CSMD3: variants seen among roughly 807,000 people sequenced by gnomAD.
The protein encoded by CSMD3 is CUB and Sushi multiple domains 3, also known as CUB and sushi domain-containing protein 3.
CSMD3 carries 177 observed loss-of-function variants against 435.2 expected under a neutral mutation model. The ratio of observed to expected loss-of-function variants is 0.41; its 90% CI spans 0.36 to 0.46. The LOEUF is 0.46. CSMD3 is among the 20% of genes least tolerant of loss of function. The pLI, the probability that CSMD3 is intolerant of heterozygous loss-of-function variation, is 0.34. For synonymous variants in CSMD3, 1,656 were observed against 1,520.5 expected, an observed-to-expected ratio of 1.09 and a Z score of -2.07; for missense variants, 4,265 against 4,504.6, an observed-to-expected ratio of 0.95 and a Z score of 1.52.
chr8:113,108,829 A>G (rs2090557125), intron 4 of CSMD3, among the ~76,000 whole-genome samples: 1 of 152,212 alleles, frequency 6.6e-6, no homozygotes, highest in Non-Finnish European at 1.5e-5. Context: ...AGAAAATACA[A>G]AAGACCTATG....
Position 112,349,070 on chromosome 8 carries a change from A to T in CSMD3, c.6325+2105T>A, listed in dbSNP as rs572949792. 1.4e-4 allele frequency among the ~76,000 whole-genome samples: 22 copies of T among 152,158 alleles called. No individual in the cohort carries two copies. The South Asian group carries it at 4.6e-3, about 32-fold the overall frequency. Reference sequence around the variant, plus strand: ...GACATAATTAATCTATTTAAGAAAAATTATAAACAAGCTATTAGAGCTGTT... The same window carrying T: ...GACATAATTAATCTATTTAAGAAAATTTATAAACAAGCTATTAGAGCTGTT... On this transcript the variant is annotated intron_variant, in intron 40 of 70. Coordinates refer to ENST00000297405, the MANE Select transcript of CSMD3 (RefSeq NM_198123.2).
rs1008262257 is a variant in CSMD3, at chr8:113,286,706, T to C, written c.402-8002A>G. Among the ~76,000 whole-genome samples the C allele has an allele frequency of 8.9e-5, 13 of 146,848 alleles. No individual in the cohort carries two copies. The Admixed American group carries it at 8.9e-4, about 10-fold the overall frequency. ...CACACATATACATTCTCTAAGAATG[T>C]AAAAAAAAAAGACTCTATTTATTTA... On this transcript the variant is annotated intron_variant, in intron 2 of 70. Transcript: ENST00000297405.
intron 13 of CSMD3, among the ~76,000 whole-genome samples, chr8:112,723,617 A>C (rs1178437673): frequency 1.3e-5 from 2 of 152,180 alleles, no homozygotes; most frequent in Non-Finnish European, 2.9e-5. Flanking sequence ...GTGTTTCAGA[A>C]GCAATAATTA....
chr8:113,427,724 A>T (rs1586180831), intron 1 of CSMD3, among the ~76,000 whole-genome samples: 2 of 151,758 alleles, frequency 1.3e-5, no homozygotes, highest in African/African-American at 4.8e-5. Context: ...AAAAATATGT[A>T]TTTGCCCCTA....
chr8:112,783,638 G>A (rs1050869389), intron 13 of CSMD3, among the ~76,000 whole-genome samples: 6 of 151,944 alleles, frequency 3.9e-5, no homozygotes, highest in Admixed American at 2.0e-4. Context: ...CCAATCAAGA[G>A]ACATAGAGTG....
At chr8:112,854,321 C>G (rs980390069) in intron 11 of CSMD3, among the ~76,000 whole-genome samples, 8 of 152,068 alleles carry the variant, frequency 5.3e-5, no homozygotes, top group Admixed American at 1.3e-4. Context: ...AGTTCTTGGA[C>G]AGTAAAAAAT....
intron 27 of CSMD3, among the ~76,000 whole-genome samples, chr8:112,534,833 T>C (rs911495550): frequency 2.2e-4 from 33 of 152,216 alleles, no homozygotes; most frequent in Non-Finnish European, 3.8e-4. Context: ...TTATCCACCA[T>C]GATCAAGTGG....
chr8:112,522,268 G>A (rs780782930), intron 27 of CSMD3, among the ~76,000 whole-genome samples: 14 of 151,844 alleles, frequency 9.2e-5, no homozygotes, highest in South Asian at 4.1e-4. Flanking sequence ...CTGCTTATAC[G>A]TAGAAGAAAC....
At chr8:112,697,740 AT>A (rs1249389029) in intron 13 of CSMD3, among the ~76,000 whole-genome samples, 1 of 152,056 alleles carries the variant, frequency 6.6e-6, no homozygotes, top group Non-Finnish European at 1.5e-5. Flanking sequence ...ATAAAAAAAA[AT>A]AAGGTACTAA....
intron 30 of CSMD3, among the ~76,000 whole-genome samples, chr8:112,503,000 T>C (rs1355826300): frequency 6.6e-6 from 1 of 152,222 alleles, no homozygotes; most frequent in East Asian, 1.9e-4. Flanking sequence ...CATTCTAACA[T>C]AATTCATTTA....
At chr8:112,865,209 A>G (rs2080942628) in intron 10 of CSMD3, among the ~76,000 whole-genome samples, 1 of 152,224 alleles carries the variant, frequency 6.6e-6, no homozygotes, top group Non-Finnish European at 1.5e-5. Flanking sequence ...TGTAACCTTC[A>G]GGCATTTAGA....
chr8:112,264,106 A>G (rs1049053911), intron 60 of CSMD3, among the ~76,000 whole-genome samples: 5 of 152,130 alleles, frequency 3.3e-5, no homozygotes, highest in South Asian at 2.1e-4. Flanking sequence ...CCTTCAATCT[A>G]GTATACTGTA....
intron 38 of CSMD3, among the ~76,000 whole-genome samples, chr8:112,361,832 A>C (rs1827272926): frequency 6.6e-6 from 1 of 151,582 alleles, no homozygotes; most frequent in Non-Finnish European, 1.5e-5. Flanking sequence ...TGAGAAAGAA[A>C]CAAAAGTTAA....
At chr8:112,487,127 A>T (rs1173935190) in intron 31 of CSMD3, among the ~76,000 whole-genome samples, 3 of 152,168 alleles carry the variant, frequency 2.0e-5, no homozygotes, top group African/African-American at 7.2e-5. Flanking sequence ...TAGTTTAATG[A>T]TTTACATTTG....
intron 4 of CSMD3, among the ~76,000 whole-genome samples, chr8:113,112,444 T>C (rs2090681883): frequency 1.0e-4 from 2 of 19,872 alleles, no homozygotes; most frequent in Non-Finnish European, 1.7e-4. Flanking sequence ...TATATATATA[T>C]ATATGTATAT....
At chr8:113,131,537 C>T (rs759929156) in intron 4 of CSMD3, among the ~76,000 whole-genome samples, 8 of 152,070 alleles carry the variant, frequency 5.3e-5, no homozygotes, top group African/African-American at 1.7e-4. Context: ...GTTTGGGAAC[C>T]TCTGCCCAGA....
intron 8 of CSMD3, among the ~76,000 whole-genome samples, chr8:112,950,493 T>A (rs1328711159): frequency 6.6e-6 from 1 of 152,164 alleles, no homozygotes; most frequent in East Asian, 1.9e-4. Flanking sequence ...TTTTTACATT[T>A]CACTGTCATT....
chr8:112,873,909 C>T (rs866056163), intron 10 of CSMD3, among the ~76,000 whole-genome samples: 1 of 152,064 alleles, frequency 6.6e-6, no homozygotes, highest in Non-Finnish European at 1.5e-5. Context: ...TCTCTATCTC[C>T]TTCAGTTCTG....
At chr8:112,539,571 GACAC>G (rs1297490153) in intron 27 of CSMD3, among the ~76,000 whole-genome samples, 2 of 151,996 alleles carry the variant, frequency 1.3e-5, no homozygotes, top group African/African-American at 4.8e-5. Context: ...CATAAAAATA[GACAC>G]ACAGACGAAT....
Sources: gnomAD v4.1 joint callset for allele counts (sites outside exome capture counted in the v4.1 genomes callset) on GRCh38, gnomAD v4.1.1 for gene constraint, MANE v1.5 for transcripts, NCBI Gene and HGNC (gene_info 2026-07-23, HGNC 2026-07-21) for gene names.